Variants in STX8 observed in about 807,000 individuals in gnomAD.
The protein encoded by STX8 is syntaxin 8.
A neutral mutation model predicts 37.5 loss-of-function variants in STX8; 23 were observed. The ratio of observed to expected loss-of-function variants is 0.61; its 90% CI spans 0.44 to 0.87. STX8 has a LOEUF of 0.87. Among genes scored for constraint, STX8 ranks in the 40% least tolerant of loss-of-function variants. STX8 has a pLI of 0.00. For synonymous variants in STX8, 115 were observed against 99.1 expected, an observed-to-expected ratio of 1.16 and a Z score of -0.95; for missense variants, 313 against 284.7, an observed-to-expected ratio of 1.10 and a Z score of -0.71.
chr17:9,546,524 C>T (rs1463438328), intron 3 of STX8, among the ~76,000 whole-genome samples: 4 of 150,298 alleles, frequency 2.7e-5, no homozygotes, highest in African/African-American at 9.8e-5. Context: ...CAACAACCGG[C>T]GCCACTTCCC....
At chr17:9,545,674 G>A (rs951583655) in intron 3 of STX8, among the ~76,000 whole-genome samples, 6 of 152,150 alleles carry the variant, frequency 3.9e-5, no homozygotes, top group South Asian at 2.1e-4. Context: ...TCTGCCTCCC[G>A]GGTTCAAGCA....
At chr17:9,366,846 G>C (rs902480647) in intron 7 of STX8, among the ~76,000 whole-genome samples, 5 of 152,116 alleles carry the variant, frequency 3.3e-5, no homozygotes, top group African/African-American at 9.7e-5. Flanking sequence ...AAAAAAGGAA[G>C]GGAAGGAATG....
At chr17:9,349,132 T>C (rs915100273) in intron 7 of STX8, among the ~76,000 whole-genome samples, 3 of 150,368 alleles carry the variant, frequency 2.0e-5, no homozygotes, top group African/African-American at 7.4e-5. Flanking sequence ...GCTGGGATTA[T>C]AGGCGTCCAC....
At chr17:9,556,425 T>C (rs947933124) in intron 3 of STX8, among the ~76,000 whole-genome samples, 1 of 151,974 alleles carries the variant, frequency 6.6e-6, no homozygotes, top group Non-Finnish European at 1.5e-5. Flanking sequence ...TTTCCTAAAT[T>C]GATCAGATTA....
chr17:9,276,628 GT>G (rs71361884), intron 7 of STX8, among the ~76,000 whole-genome samples: 123 of 141,712 alleles, frequency 8.7e-4, no homozygotes, highest in South Asian at 1.6e-3. Flanking sequence ...TTATTTGTTT[GT>G]TTTTTTTTTT....
intron 5 of STX8, among the ~76,000 whole-genome samples, chr17:9,499,521 C>T (rs1361312977): frequency 6.6e-6 from 1 of 152,150 alleles, no homozygotes; most frequent in Non-Finnish European, 1.5e-5. Flanking sequence ...GCCTCAGCCT[C>T]CCGAGTAGCT....
chr17:9,268,983 C>G (rs192446765), intron 7 of STX8, among the ~76,000 whole-genome samples: 2 of 152,102 alleles, frequency 1.3e-5, no homozygotes, highest in South Asian at 2.1e-4. Flanking sequence ...GTCAGCAGAT[C>G]GAGACCATCC....
chr17:9,273,056 C>T lies in STX8; in HGVS notation c.644-22411G>A, dbSNP rs539322833. On this transcript the variant is annotated intron_variant, in intron 7 of 7. Coordinates refer to ENST00000306357, the MANE Select transcript of STX8 (RefSeq NM_004853.3). ...ACAACAAAGAAGGAAGGGGGAAAAC[C>T]GCCCTTTGGCGAGGCGAAAGCCTGA... 1.3e-3 allele frequency among the ~76,000 whole-genome samples: 197 copies of T among 152,334 alleles called. 2 individuals carry two copies. Among genetic ancestry groups the T allele is most frequent in the Middle Eastern group, 3.4e-3 (1 of 294 alleles).
At chr17:9,570,714 G>C (rs1181933510) in intron 1 of STX8, among the ~76,000 whole-genome samples, 1 of 151,940 alleles carries the variant, frequency 6.6e-6, no homozygotes, top group East Asian at 1.9e-4. Flanking sequence ...CTGGCTCTGG[G>C]GTCCAGACCA....
At chr17:9,476,023 A>C (rs938697261) in intron 6 of STX8, among the ~76,000 whole-genome samples, 1 of 152,208 alleles carries the variant, frequency 6.6e-6, no homozygotes, top group Non-Finnish European at 1.5e-5. Context: ...TACTAAAAAT[A>C]CAAAAATCAG....
In STX8 at chr17:9,542,006, T is replaced by A. The variant is rs79414210; in HGVS notation, c.323+3166A>T. 7.8e-3 allele frequency among the ~76,000 whole-genome samples: 416 copies of A among 53,020 alleles called. 5 individuals carry two copies. In the South Asian group the frequency reaches 0.1, roughly 13 times the overall value. 34.8% of individuals were successfully genotyped at this position (53,020 alleles called of 152,430 possible). ...AAGTACATGGTCTAAACATTTGTATTTTTTTTTTTTTTTCCATTCTCTCTT... is the reference window on the plus strand; with the variant it reads ...AAGTACATGGTCTAAACATTTGTATATTTTTTTTTTTTTCCATTCTCTCTT... On this transcript the variant is annotated intron_variant, in intron 4 of 7. Transcript: ENST00000306357.
At chr17:9,391,947 T>G (rs1053792920) in intron 6 of STX8, among the ~76,000 whole-genome samples, 2 of 152,086 alleles carry the variant, frequency 1.3e-5, no homozygotes, top group African/African-American at 4.8e-5. Context: ...TGACCCCAAA[T>G]AGTATACGTA....
At chr17:9,485,331 G>A (rs147928324) in intron 6 of STX8, among the ~76,000 whole-genome samples, 2 of 152,258 alleles carry the variant, frequency 1.3e-5, no homozygotes, top group East Asian at 3.9e-4. Context: ...CACCTCATGA[G>A]GAAGGAGTAA....
At chr17:9,290,376 C>A (rs1490533200) in intron 7 of STX8, among the ~76,000 whole-genome samples, 1 of 152,138 alleles carries the variant, frequency 6.6e-6, no homozygotes, top group Non-Finnish European at 1.5e-5. Context: ...TGCATCTGAA[C>A]GCCATGGAAC....
At chr17:9,352,023 C>A (rs1226411223) in intron 7 of STX8, among the ~76,000 whole-genome samples, 3 of 151,728 alleles carry the variant, frequency 2.0e-5, no homozygotes, top group African/African-American at 7.3e-5. Context: ...CGGTGGTGTG[C>A]GCCTATAGTC....
chr17:9,412,474 T>C (rs1028532857), intron 6 of STX8, among the ~76,000 whole-genome samples: 6 of 152,062 alleles, frequency 3.9e-5, no homozygotes, highest in African/African-American at 1.2e-4. Flanking sequence ...AGACAGGTTT[T>C]CTCCATGTTG....
At chr17:9,462,222 T>C (rs1332939047) in intron 6 of STX8, among the ~76,000 whole-genome samples, 1 of 151,898 alleles carries the variant, frequency 6.6e-6, no homozygotes. Context: ...TCTCACTAAG[T>C]CACACAGAGG....
intron 6 of STX8, among the ~76,000 whole-genome samples, chr17:9,440,324 C>T (rs1904596347): frequency 6.6e-6 from 1 of 152,122 alleles, no homozygotes; most frequent in Admixed American, 6.5e-5. Context: ...ATCCCTTCCA[C>T]TTGGATTTCC....
intron 6 of STX8, among the ~76,000 whole-genome samples, chr17:9,449,021 G>A (rs1207477440): frequency 1.3e-5 from 2 of 152,110 alleles, no homozygotes; most frequent in Non-Finnish European, 2.9e-5. Flanking sequence ...AGAATAAGGT[G>A]CAACTGAAAC....
Sources: gnomAD v4.1 joint callset for allele counts (sites outside exome capture counted in the v4.1 genomes callset) on GRCh38, gnomAD v4.1.1 for gene constraint, MANE v1.5 for transcripts, NCBI Gene and HGNC (gene_info 2026-07-23, HGNC 2026-07-21) for gene names.